The following SEMA3B variants were observed in gnomAD, a reference collection of about 807,000 sequenced individuals.
The protein encoded by SEMA3B is semaphorin-3B.
In SEMA3B, 71 loss-of-function variants were observed where a neutral mutation model predicts 77.8. The observed-to-expected ratio is 0.91, with a 90% CI of 0.75 to 1.11. The LOEUF (loss-of-function observed/expected upper bound fraction) is 1.11. Among genes scored for constraint, SEMA3B ranks in the 50% most tolerant of loss-of-function variants. The pLI is 0.00. For synonymous variants in SEMA3B, 470 were observed against 452.9 expected (o/e 1.04, Z -0.48); for missense variants, 968 against 1,056.8 (o/e 0.92, Z 1.17).
chr3:50,275,153 G>T lies in SEMA3B; in HGVS notation c.1491+100G>T. 1 of 1,478,512 alleles carries T rather than the reference G, an allele frequency of 6.8e-7. No individual in the cohort carries two copies. The highest frequency in any genetic ancestry group is 9.0e-7 in the Non-Finnish European group (1 of 1,109,906). The allele number at this position is 1,478,512 out of a possible 1,614,324, so 91.6% of individuals were successfully genotyped here. A position where few individuals can be genotyped will look rare whatever the true frequency, so the allele number is the denominator to read the frequency against. On this transcript the variant is annotated intron_variant, in intron 13 of 16. Coordinates refer to ENST00000616701, the MANE Select transcript of SEMA3B (RefSeq NM_001290060.2). This position sits in a 1 kb window ranked among gnomAD's most constrained non-coding sequence, Gnocchi z 7.5. The stretch of plus-strand genomic sequence containing the variant: ...TTTGGTAGTTTGCAGTCCCGGGTTT[G>T]AGTACAGGCTCTGGCTTTGTTAGAC...
At position 50,272,879 on chromosome 3, in the gene SEMA3B, T is replaced by TAATAATAATAATAATAATAAA. The variant is rs797032591; in HGVS notation, c.665-417_665-416insTAATAATAATAATAATAAAAA. Among the ~76,000 whole-genome samples the TAATAATAATAATAATAATAAA allele has an allele frequency of 0.032, 4,860 of 149,944 alleles. 562 individuals carry two copies. In the East Asian group the frequency reaches 0.33, roughly 10 times the overall value. Reference sequence around the variant, plus strand: ...CAAATAATAATAATAATAATAATAATAAAGAGCAATGGGACCCAGCAGAAG... The same window carrying TAATAATAATAATAATAATAAA: ...CAAATAATAATAATAATAATAATAATAATAATAATAATAATAATAAAAAAGAGCAATGGGACCCAGCAGAAG... On this transcript the variant is annotated intron_variant, in intron 6 of 16. Coordinates refer to ENST00000616701, the MANE Select transcript of SEMA3B (RefSeq NM_001290060.2).
upstream of SEMA3B, chr3:50,262,956 T>A (rs1368518069): frequency 6.6e-6 from 1 of 152,222 alleles, no homozygotes; most frequent in East Asian, 1.9e-4. Flanking sequence ...CCCTTGCTGC[T>A]TCCCCCACAG....
chr3:50,269,115 C>G, upstream of SEMA3B: 1 of 695,514 alleles, frequency 1.4e-6, no homozygotes, highest in East Asian at 2.8e-5. The surrounding 1 kb of genome is among the most constrained non-coding windows in gnomAD (Gnocchi z 4.0). Flanking sequence ...TGGGGACTCC[C>G]CCCCTAGCCT....
upstream of SEMA3B, among the ~76,000 whole-genome samples, chr3:50,268,592 C>T (rs1700961795): frequency 6.6e-6 from 1 of 152,226 alleles, no homozygotes; most frequent in Non-Finnish European, 1.5e-5. Context: ...CACATGCGCA[C>T]ATCACAAGGG....
chr3:50,274,371 C>G lies in SEMA3B; in HGVS notation c.1146C>G (p.Ser382Arg). 6.7e-7 allele frequency: 1 copy of G among 1,492,026 alleles called. No homozygotes were observed. Among genetic ancestry groups the G allele is most frequent in the Non-Finnish European group, 8.9e-7 (1 of 1,122,122 alleles). 92.4% of individuals were successfully genotyped at this position (1,492,026 alleles called of 1,614,324 possible). A position where few individuals can be genotyped will look rare whatever the true frequency, so the allele number is the denominator to read the frequency against. ...CTTTCCCCCACCCCCAGTGCCCCAGCAAGACCTTTGGCACCTTCAGTTCCA... is the reference window on the plus strand; with the variant it reads ...CTTTCCCCCACCCCCAGTGCCCCAGGAAGACCTTTGGCACCTTCAGTTCCA... ...VPYPRPGMCPSKTFGTFSSTK... is the reference protein window; with the variant it reads ...VPYPRPGMCPRKTFGTFSSTK... Residue 382 changes from serine to arginine, a missense_variant, in exon 11 of 17, where the codon AGC (serine) becomes AGG (arginine). By Grantham distance (110) the Ser-to-Arg change is moderately radical (BLOSUM62 -1). Coordinates refer to ENST00000616701, the MANE Select transcript of SEMA3B (RefSeq NM_001290060.2). This position sits in a 1 kb window ranked among gnomAD's most constrained non-coding sequence, Gnocchi z 4.7.
In SEMA3B at chr3:50,276,454, G is replaced by A. The variant is rs1553706772; in HGVS notation, c.1998G>A (p.Thr666=). ...TGTCGCTGCACGTGTTGAGTGCTAC[G>A]CAGGCCGAACGACTGGCGCGGGCCG... ...RRLSLHVLSA[T]QAERLARAEE... Residue 666 remains threonine (T), a synonymous_variant, in exon 17 of 17, where the codon ACG becomes ACA. Transcript: ENST00000616701. This position sits in a 1 kb window ranked among gnomAD's most constrained non-coding sequence, Gnocchi z 5.8. The A allele has an allele frequency of 6.5e-7, 1 of 1,534,114 alleles. No homozygotes were observed. The highest frequency in any genetic ancestry group is 1.2e-5 in the South Asian group (1 of 83,880).
At chr3:50,272,531 T>G (rs1701079749) in intron 6 of SEMA3B, among the ~76,000 whole-genome samples, 1 of 151,902 alleles carries the variant, frequency 6.6e-6, no homozygotes, top group Admixed American at 6.6e-5. Context: ...GCCAACATGG[T>G]GTAACCCCGT....
Position 50,270,096 on chromosome 3 carries a change from G to A in SEMA3B, c.110-31G>A. Reference sequence around the variant, plus strand: ...CCTGGGGGAGGCTTCCAGCATGGCTGGCGAGTCATCAGCAGTGTCCTGCCC... The same window carrying A: ...CCTGGGGGAGGCTTCCAGCATGGCTAGCGAGTCATCAGCAGTGTCCTGCCC... On this transcript the variant is annotated intron_variant, in intron 1 of 16. Transcript: ENST00000616701. This position sits in a 1 kb window ranked among gnomAD's most constrained non-coding sequence, Gnocchi z 4.7. 6.7e-7 allele frequency: 1 copy of A among 1,503,638 alleles called. No homozygotes were observed. The highest frequency in any genetic ancestry group is 8.9e-7 in the Non-Finnish European group (1 of 1,123,154). The allele number at this position is 1,503,638 out of a possible 1,614,324, so 93.1% of individuals were successfully genotyped here.
Position 50,270,263 on chromosome 3 carries a change from C to T in SEMA3B, c.246C>T (p.Asn82=), listed in dbSNP as rs782496788. ...ATGTGGCCTCCCTCAACCTGGACAA[C>T]ATCAGCAAGCGGGCCAAGAAGGTGC... is the stretch of plus-strand genomic sequence containing the variant. ...ENHVASLNLD[N]ISKRAKKLAW... is the part of the protein sequence containing the mutation. Residue 82 remains asparagine, a synonymous_variant, in exon 2 of 17, where the codon AAC becomes AAT. Transcript: ENST00000616701. The surrounding 1 kb of genome is among the most constrained non-coding windows in gnomAD (Gnocchi z 4.7). 3.8e-5 allele frequency: 62 copies of T among 1,613,360 alleles called. No individual in the cohort carries two copies. The highest frequency in any genetic ancestry group is 3.6e-5 in the Non-Finnish European group (42 of 1,179,726).
chr3:50,276,938 G>A lies in SEMA3B; in HGVS notation c.*232G>A, dbSNP rs1553706991. On this transcript the variant is annotated 3_prime_UTR_variant, in exon 17 of 17. Transcript: ENST00000616701. The surrounding 1 kb of genome is among the most constrained non-coding windows in gnomAD (Gnocchi z 5.8). ...CGGCACAGGTCGGGCGCAGGATTCA[G>A]CCGGAGGGAAGGGACGGGGAAGCCG... The A allele has an allele frequency of 2.0e-6, 1 of 494,184 alleles. No homozygotes were observed. The highest frequency in any genetic ancestry group is 2.0e-5 in the African/African-American group (1 of 49,318). 30.6% of individuals were successfully genotyped at this position (494,184 alleles called of 1,614,324 possible). A position where few individuals can be genotyped will look rare whatever the true frequency, so the allele number is the denominator to read the frequency against.
At position 50,274,339 on chromosome 3, in the gene SEMA3B, T is replaced by G; in HGVS notation, c.1138-24T>G. 2 of 1,478,872 alleles carry G rather than the reference T, an allele frequency of 1.4e-6. No homozygotes were observed. Among genetic ancestry groups the G allele is most frequent in the Non-Finnish European group, 1.8e-6 (2 of 1,107,838 alleles). The allele number at this position is 1,478,872 out of a possible 1,614,324, so 91.6% of individuals were successfully genotyped here. A position where few individuals can be genotyped will look rare whatever the true frequency, so the allele number is the denominator to read the frequency against. ...AGCCCCCATATCTATATCCCTGCTG[T>G]GCCTCCCTTTCCCCCACCCCCAGTG... On this transcript the variant is annotated intron_variant, in intron 10 of 16. Transcript: ENST00000616701. The surrounding 1 kb of genome is among the most constrained non-coding windows in gnomAD (Gnocchi z 4.7).
Position 50,277,151 on chromosome 3 carries a change from G to A in SEMA3B, c.*445G>A, listed in dbSNP as rs2109254265. ...ACGCATTATCAGCCAAAGCTGGAAT[G>A]GCCCCAGCAGAAAACCCCAGTCCTC... is the stretch of plus-strand genomic sequence containing the variant. On this transcript the variant is annotated 3_prime_UTR_variant, in exon 17 of 17. Coordinates refer to ENST00000616701, the MANE Select transcript of SEMA3B (RefSeq NM_001290060.2). The A allele has an allele frequency of 6.1e-6, 1 of 163,712 alleles. No homozygotes were observed. Among genetic ancestry groups the A allele is most frequent in the South Asian group, 2.0e-4 (1 of 5,124 alleles). 10.1% of individuals were successfully genotyped at this position (163,712 alleles called of 1,614,324 possible).
chr3:50,268,406 A>T (rs1209851948), upstream of SEMA3B, among the ~76,000 whole-genome samples: 1 of 152,248 alleles, frequency 6.6e-6, no homozygotes, highest in African/African-American at 2.4e-5. Flanking sequence ...ACACGTTTGC[A>T]CATGCACAAA....
chr3:50,266,026 C>CGG (rs36018346), upstream of SEMA3B, among the ~76,000 whole-genome samples: 2 of 151,698 alleles, frequency 1.3e-5, no homozygotes, highest in African/African-American at 4.9e-5. Context: ...ATGGCGGTGG[C>CGG]GGGGGGGTTT....
Position 50,276,138 on chromosome 3 carries a change from C to A in SEMA3B, c.1846-164C>A. 1.0e-6 allele frequency: 1 copy of A among 992,590 alleles called. No individual in the cohort carries two copies. The highest frequency in any genetic ancestry group is 1.4e-6 in the Non-Finnish European group (1 of 707,642). 61.5% of individuals were successfully genotyped at this position (992,590 alleles called of 1,614,324 possible). ...CCTCTTTCGGATTCTCCCTTGAAGA[C>A]CACCAGCTCCCAAACACTCAGCCTT... On this transcript the variant is annotated intron_variant, in intron 16 of 16. Transcript: ENST00000616701. The surrounding 1 kb of genome is among the most constrained non-coding windows in gnomAD (Gnocchi z 5.8).
rs782441999 is a variant in SEMA3B, at chr3:50,275,836, C to T, written c.1837C>T (p.His613Tyr). Reference protein sequence around the residue: ...WTFQRAGVTAHTQVLAEERTE... With the variant: ...WTFQRAGVTAYTQVLAEERTE... Reference sequence around the variant, plus strand: ...TTTCCAGCGCGCAGGGGTGACAGCCCACACCCAGGTGAGCCTTACTCCGCC... The same window carrying T: ...TTTCCAGCGCGCAGGGGTGACAGCCTACACCCAGGTGAGCCTTACTCCGCC... Residue 613 changes from histidine to tyrosine, a missense_variant, in exon 16 of 17, where the codon CAC becomes TAC. Transcript: ENST00000616701. The surrounding 1 kb of genome is among the most constrained non-coding windows in gnomAD (Gnocchi z 7.5). The T allele has an allele frequency of 1.9e-6, 3 of 1,601,548 alleles. No homozygotes were observed. The highest frequency in any genetic ancestry group is 1.7e-6 in the Non-Finnish European group (2 of 1,176,368).
In SEMA3B at chr3:50,269,779, T is replaced by C. The variant is rs957567025; in HGVS notation, c.110-348T>C. On this transcript the variant is annotated intron_variant, in intron 1 of 16. Transcript: ENST00000616701. The surrounding 1 kb of genome is among the most constrained non-coding windows in gnomAD (Gnocchi z 4.0). The stretch of plus-strand genomic sequence containing the variant: ...GCAGGAAAGGAACTCTCAGCCTGAC[T>C]TTTGGGAGTTGGGGTTCTGGCCATC... Among the ~76,000 whole-genome samples, 3 of 152,094 alleles carry C rather than the reference T, an allele frequency of 2.0e-5. No homozygotes were observed. Among genetic ancestry groups the C allele is most frequent in the Non-Finnish European group, 4.4e-5 (3 of 67,996 alleles).
rs1444729808 is a variant in SEMA3B, at chr3:50,276,592, G to A, written c.2136G>A (p.Pro712=). ...CGAACTCCCTGCGCATGTGCCGCCCGCAGCCTGCGCTGCAGTCACTGCCCC... is the reference window on the plus strand; with the variant it reads ...CGAACTCCCTGCGCATGTGCCGCCCACAGCCTGCGCTGCAGTCACTGCCCC... ...GSANSLRMCR[P]QPALQSLPLE... The change falls in exon 17 of 17, where the codon CCG becomes CCA. Residue 712 remains proline (P), a synonymous_variant. Transcript: ENST00000616701. This position sits in a 1 kb window ranked among gnomAD's most constrained non-coding sequence, Gnocchi z 5.8. The A allele has an allele frequency of 3.8e-6, 6 of 1,570,016 alleles. No homozygotes were observed. The highest frequency in any genetic ancestry group is 2.4e-5 in the East Asian group (1 of 42,508).
Position 50,269,330 on chromosome 3 carries a change from C to A in SEMA3B, c.90C>A (p.Arg30=), listed in dbSNP as rs1553704973. The A allele has an allele frequency of 2.0e-6, 3 of 1,511,086 alleles. No homozygotes were observed. Among genetic ancestry groups the A allele is most frequent in the Non-Finnish European group, 2.6e-6 (3 of 1,134,876 alleles). 93.6% of individuals were successfully genotyped at this position (1,511,086 alleles called of 1,614,324 possible). The stretch of plus-strand genomic sequence containing the variant: ...GGAGTGCCGCCCCCAGCCCCCCACG[C>A]CTTCGGCTCTCCTTCCAAGGTAGGT... The part of the protein sequence containing the change: ...GLGSAAPSPP[R]LRLSFQELQA... The change falls in exon 1 of 17, where the codon CGC becomes CGA. Residue 30 remains arginine (R), a synonymous_variant. Coordinates refer to ENST00000616701, the MANE Select transcript of SEMA3B (RefSeq NM_001290060.2). The surrounding 1 kb of genome is among the most constrained non-coding windows in gnomAD (Gnocchi z 4.0).
Sources: gnomAD v4.1 joint callset for allele counts (sites outside exome capture counted in the v4.1 genomes callset) on GRCh38, gnomAD v4.1.1 for gene constraint, Gnocchi (gnomAD v3.1) non-coding constraint, MANE v1.5 for transcripts, NCBI Gene and HGNC (gene_info 2026-07-23, HGNC 2026-07-21) for gene names.